Variants in LMAN2L observed in about 807,000 individuals in gnomAD.
The protein encoded by LMAN2L is VIP36-like protein.
Under a neutral mutation model 44.3 loss-of-function variants are expected in LMAN2L, and 30 were observed. The ratio of observed to expected loss-of-function variants is 0.68; its 90% CI spans 0.51 to 0.92. The LOEUF is 0.92. Ranked by LOEUF, LMAN2L falls within the 40% of genes least tolerant of loss-of-function variation. The pLI is 0.00. For missense variants in LMAN2L, 429 were observed against 446.1 expected (o/e 0.96, Z 0.35); for synonymous variants, 183 against 171.1 (o/e 1.07, Z -0.54).
chr2:96,736,025 C>G (rs1444422101), intron 2 of LMAN2L, among the ~76,000 whole-genome samples: 1 of 152,064 alleles, frequency 6.6e-6, no homozygotes, highest in Admixed American at 6.6e-5. Flanking sequence ...AAAAAAATAG[C>G]TTTCAGAGAA....
intron 4 of LMAN2L, among the ~76,000 whole-genome samples, chr2:96,723,196 A>G (rs1389867071): frequency 6.6e-6 from 1 of 152,320 alleles, no homozygotes; most frequent in East Asian, 1.9e-4. Flanking sequence ...CAATTACTCC[A>G]TATCCTTGCC....
intron 4 of LMAN2L, among the ~76,000 whole-genome samples, chr2:96,728,240 C>A (rs1482492598): frequency 6.6e-6 from 1 of 152,178 alleles, no homozygotes; most frequent in African/African-American, 2.4e-5. Flanking sequence ...GTAATCCCAG[C>A]ACTTTGGGAG....
chr2:96,721,511 T>C (rs1362479221), intron 4 of LMAN2L, among the ~76,000 whole-genome samples: 1 of 151,752 alleles, frequency 6.6e-6, no homozygotes, highest in Non-Finnish European at 1.5e-5. Context: ...ACTCCTACTT[T>C]GTTTTTTTTT....
At chr2:96,707,637 G>A (rs553755053) in intron 7 of LMAN2L, 77 bp downstream of exon 7, 181 of 1,541,930 alleles carry the variant, frequency 1.2e-4, no homozygotes, top group Non-Finnish European at 1.4e-4. Flanking sequence ...AGCAGAGACC[G>A]CCCTGTGAGC....
In LMAN2L at chr2:96,740,003, T is replaced by C. The variant is rs771943070; in HGVS notation, c.38A>G (p.Gln13Arg). ...CCGAGCCGACAAACATCGCCGCCAC[T>C]GCTGCCACGACCCAAGGGGTCCCAG... ...ATLGPLGSWQQWRRCLSARDG... is the reference protein window; with the variant it reads ...ATLGPLGSWQRWRRCLSARDG... The change falls in exon 1 of 8, where the codon CAG becomes CGG. Residue 13 changes from glutamine (Q) to arginine (R), a missense_variant. Coordinates refer to ENST00000264963, the MANE Select transcript of LMAN2L (RefSeq NM_030805.4). 27 of 1,613,388 alleles carry C rather than the reference T, an allele frequency of 1.7e-5. No individual in the cohort carries two copies. Among genetic ancestry groups the C allele is most frequent in the African/African-American group, 2.7e-5 (2 of 74,898 alleles).
At position 96,730,968 on chromosome 2, in the gene LMAN2L, C is replaced by T. The variant is rs7340461; in HGVS notation, c.507+2551G>A. 3.7e-3 allele frequency among the ~76,000 whole-genome samples: 571 copies of T among 152,308 alleles called. 2 individuals are homozygous for T. Among genetic ancestry groups the T allele is most frequent in the African/African-American group, 0.013 (545 of 41,572 alleles). On this transcript the variant is annotated intron_variant, in intron 4 of 7. Coordinates refer to ENST00000264963, the MANE Select transcript of LMAN2L (RefSeq NM_030805.4). Reference sequence around the variant, plus strand: ...GATTACAGGCATGAGCCACTGCACCCAGCCTCATCATCCCCTCTCTTAACC... The same window carrying T: ...GATTACAGGCATGAGCCACTGCACCTAGCCTCATCATCCCCTCTCTTAACC...
chr2:96,710,933 T>TAA, intron 6 of LMAN2L, among the ~76,000 whole-genome samples: 1 of 151,830 alleles, frequency 6.6e-6, no homozygotes, highest in Admixed American at 6.6e-5. Context: ...GCAAAGAGAG[T>TAA]AAGTGTATAA....
At chr2:96,707,551 C>T (rs576044658) in intron 7 of LMAN2L, 153 bp from the exon 8 acceptor site, 8 of 1,220,172 alleles carry the variant, frequency 6.6e-6, no homozygotes, top group Admixed American at 2.5e-5. Context: ...ACAAAGCGGC[C>T]CTCCTGCTGC....
chr2:96,717,533 GAA>G (rs763461930), intron 4 of LMAN2L, among the ~76,000 whole-genome samples: 28,517 of 110,740 alleles, frequency 0.26, 4,032 homozygotes, highest in Non-Finnish European at 0.35. Flanking sequence ...CCCTGTGTCG[GAA>G]AAAAAAAAAA....
chr2:96,708,908 C>CTTTTTTTTTTTTTTTTTTTTTT (rs140328524), intron 6 of LMAN2L, among the ~76,000 whole-genome samples: 1 of 89,248 alleles, frequency 1.1e-5, no homozygotes, highest in Non-Finnish European at 2.1e-5. Context: ...TGAAGTTAGA[C>CTTTTTTTTTTTTTTTTTTTTTT]TTTTTTTTTT....
chr2:96,730,217 A>T (rs573130036), intron 4 of LMAN2L, among the ~76,000 whole-genome samples: 2 of 152,172 alleles, frequency 1.3e-5, no homozygotes, highest in Non-Finnish European at 2.9e-5. Flanking sequence ...ACAGAGAGAC[A>T]AGTTTAAAAC....
intron 4 of LMAN2L, among the ~76,000 whole-genome samples, chr2:96,728,065 G>A (rs1403814622): frequency 2.0e-5 from 3 of 152,236 alleles, no homozygotes; most frequent in African/African-American, 7.2e-5. Flanking sequence ...GCGCCTTTAT[G>A]TATATTGAAG....
At chr2:96,739,771 C>G (rs2153338695) in intron 1 of LMAN2L, 83 bp downstream of exon 1, 1 of 1,421,190 alleles carries the variant, frequency 7.0e-7, no homozygotes, top group East Asian at 2.3e-5. Flanking sequence ...GCCACGAAGC[C>G]CTTCGCCGCC....
intron 4 of LMAN2L, among the ~76,000 whole-genome samples, chr2:96,723,243 G>A (rs1043673611): frequency 6.6e-5 from 10 of 152,254 alleles, no homozygotes; most frequent in African/African-American, 1.2e-4. Context: ...CCATTCTAGC[G>A]GGTGTAAAGT....
chr2:96,737,064 G>A lies in LMAN2L; in HGVS notation c.306+885C>T, dbSNP rs1013870735. On this transcript the variant is annotated intron_variant, in intron 2 of 7. Coordinates refer to ENST00000264963, the MANE Select transcript of LMAN2L (RefSeq NM_030805.4). ...AGAGAAAGTATCAAAGGATGCCAGA[G>A]TCATGCCCAAAAGTAAACTGGTCGT... 2.1e-5 allele frequency: 9 copies of A among 432,792 alleles called. No homozygotes were observed. In the East Asian group the frequency reaches 4.4e-4, roughly 21 times the overall value. 26.8% of individuals were successfully genotyped at this position (432,792 alleles called of 1,614,324 possible). A position where few individuals can be genotyped will look rare whatever the true frequency, so the allele number is the denominator to read the frequency against.
At position 96,712,020 on chromosome 2, in the gene LMAN2L, T is replaced by A. The variant is rs2077935880; in HGVS notation, c.513A>T (p.Val171=). ...TCACCATGGCTGAGATGTAGGGGAA[T>A]ACCCGCTGGAAAGCAGAGAGGGGGA... The part of the protein sequence containing the change: ...YPNEEKQQER[V]FPYISAMVNN... Residue 171 remains valine (V), a synonymous_variant, in exon 5 of 8, where the codon GTA becomes GTT. Coordinates refer to ENST00000264963, the MANE Select transcript of LMAN2L (RefSeq NM_030805.4). The A allele has an allele frequency of 1.2e-6, 2 of 1,613,942 alleles. No homozygotes were observed. The highest frequency in any genetic ancestry group is 1.1e-5 in the South Asian group (1 of 91,086).
At chr2:96,739,180 A>C (rs943608484) in intron 1 of LMAN2L, among the ~76,000 whole-genome samples, 9 of 152,242 alleles carry the variant, frequency 5.9e-5, no homozygotes, top group Non-Finnish European at 1.3e-4. Flanking sequence ...CACTCCAGGC[A>C]TGTAAGTGAA....
intron 4 of LMAN2L, among the ~76,000 whole-genome samples, chr2:96,731,756 TTTTG>T (rs2078402206): frequency 6.6e-6 from 1 of 152,158 alleles, no homozygotes; most frequent in Non-Finnish European, 1.5e-5. Context: ...TTCTAATTTT[TTTTG>T]TTTATTTTGG....
chr2:96,734,554 T>C (rs1352583862), intron 2 of LMAN2L, 28 bp from the exon 3 acceptor site: 5 of 1,421,320 alleles, frequency 3.5e-6, no homozygotes, highest in African/African-American at 2.8e-5. Flanking sequence ...TTAGAATCAA[T>C]GAGGAGCATG....
Sources: gnomAD v4.1 joint callset for allele counts (sites outside exome capture counted in the v4.1 genomes callset) on GRCh38, gnomAD v4.1.1 for gene constraint, MANE v1.5 for transcripts, NCBI Gene and HGNC (gene_info 2026-07-23, HGNC 2026-07-21) for gene names.